NDC1: variants seen among roughly 807,000 people sequenced by gnomAD.
The protein encoded by NDC1 is nucleoporin NDC1.
A neutral mutation model predicts 89.8 loss-of-function variants in NDC1; 24 were observed. That is an observed-to-expected ratio of 0.27 (90% CI 0.19 to 0.38). The LOEUF (loss-of-function observed/expected upper bound fraction) is 0.38, where lower values mean the gene tolerates loss of function less well. NDC1 is among the 10% of genes least tolerant of loss of function. NDC1 has a pLI of 1.00. For synonymous variants in NDC1, 296 were observed against 284.8 expected, an observed-to-expected ratio of 1.04 and a Z score of -0.39; for missense variants, 728 against 797.6, an observed-to-expected ratio of 0.91 and a Z score of 1.05.
At chr1:53,786,348 C>T (rs1408411756) in intron 16 of NDC1, among the ~76,000 whole-genome samples, 1 of 152,216 alleles carries the variant, frequency 6.6e-6, no homozygotes, top group African/African-American at 2.4e-5. Context: ...AAGAAGCCTA[C>T]TGCAAAGCAG....
At chr1:53,771,389 C>T (rs1329229193) in intron 17 of NDC1, among the ~76,000 whole-genome samples, 2 of 152,032 alleles carry the variant, frequency 1.3e-5, no homozygotes, top group Admixed American at 1.3e-4. Flanking sequence ...CCTCAGTTTT[C>T]GTATCTGTAC....
chr1:53,832,372 T>C (rs1328550622), intron 3 of NDC1, 118 bp downstream of exon 3: 2 of 592,232 alleles, frequency 3.4e-6, no homozygotes, highest in Non-Finnish European at 6.1e-6. Flanking sequence ...AAGCATATGA[T>C]TCTGTATACG....
intron 17 of NDC1, chr1:53,770,967 T>A (rs1253750369): frequency 2.0e-5 from 3 of 152,324 alleles, no homozygotes; most frequent in Non-Finnish European, 4.4e-5. Flanking sequence ...TATCGCTTTC[T>A]TATCTAAATC....
intron 14 of NDC1, among the ~76,000 whole-genome samples, chr1:53,792,271 A>G (rs948712556): frequency 3.9e-5 from 6 of 152,046 alleles, no homozygotes; most frequent in African/African-American, 1.4e-4. Flanking sequence ...CAAGCACTGA[A>G]GTAAAACTTC....
intron 3 of NDC1, among the ~76,000 whole-genome samples, chr1:53,830,636 C>T (rs1052704549): frequency 2.0e-5 from 3 of 151,568 alleles, no homozygotes; most frequent in African/African-American, 7.3e-5. Context: ...CGAGGCAGGC[C>T]GATCACCTGA....
At chr1:53,796,272 T>A (rs903795777) in intron 13 of NDC1, among the ~76,000 whole-genome samples, 10 of 152,236 alleles carry the variant, frequency 6.6e-5, no homozygotes, top group Non-Finnish European at 1.2e-4. Context: ...TAGCACGTCA[T>A]GGGTTAAGGC....
intron 6 of NDC1, among the ~76,000 whole-genome samples, chr1:53,813,571 G>A (rs1045881804): frequency 5.9e-5 from 9 of 152,132 alleles, no homozygotes; most frequent in African/African-American, 1.9e-4. Context: ...TCGTCCAACA[G>A]GAAAATATCA....
intron 13 of NDC1, among the ~76,000 whole-genome samples, chr1:53,796,082 T>C (rs1252072151): frequency 6.6e-6 from 1 of 152,222 alleles, no homozygotes; most frequent in East Asian, 1.9e-4. Flanking sequence ...CTCTGATCAA[T>C]CATTGCCTTA....
At chr1:53,824,153 C>T (rs60684032) in intron 5 of NDC1, among the ~76,000 whole-genome samples, 17,651 of 148,938 alleles carry the variant, frequency 0.12, 1,175 homozygotes, top group Non-Finnish European at 0.15. Flanking sequence ...GAGGACTGTT[C>T]GAGCCAGGAG....
chr1:53,793,024 A>T (rs554619261), intron 14 of NDC1, among the ~76,000 whole-genome samples: 1 of 152,352 alleles, frequency 6.6e-6, no homozygotes, highest in South Asian at 2.1e-4. Flanking sequence ...GCAACTAGAG[A>T]GTCAAGCTTC....
intron 16 of NDC1, among the ~76,000 whole-genome samples, chr1:53,776,008 G>A (rs865907117): frequency 2.7e-5 from 4 of 147,894 alleles, no homozygotes; most frequent in South Asian, 2.1e-4. Context: ...TGGCTGGAGT[G>A]CAGTGGCACG....
intron 4 of NDC1, among the ~76,000 whole-genome samples, chr1:53,827,486 A>G (rs1258301652): frequency 6.6e-6 from 1 of 152,200 alleles, no homozygotes; most frequent in Non-Finnish European, 1.5e-5. Context: ...TCAATTTGCA[A>G]TTAGTATCAA....
intron 16 of NDC1, among the ~76,000 whole-genome samples, chr1:53,775,549 G>A (rs1008554928): frequency 6.6e-6 from 1 of 151,994 alleles, no homozygotes; most frequent in Admixed American, 6.6e-5. Flanking sequence ...ATGAGCTACC[G>A]CACCTGGCTG....
chr1:53,780,906 C>T (rs1052259923), intron 16 of NDC1, among the ~76,000 whole-genome samples: 8 of 150,814 alleles, frequency 5.3e-5, no homozygotes, highest in Non-Finnish European at 1.2e-4. Context: ...GTTGCCCAGC[C>T]TGGAGTACAG....
intron 16 of NDC1, among the ~76,000 whole-genome samples, chr1:53,779,477 G>A (rs924654967): frequency 2.0e-5 from 3 of 151,990 alleles, no homozygotes; most frequent in African/African-American, 7.3e-5. Context: ...AGTAGAAGCT[G>A]GAATTCAGAC....
intron 3 of NDC1, among the ~76,000 whole-genome samples, chr1:53,831,948 T>C (rs1649082131): frequency 6.6e-6 from 1 of 152,306 alleles, no homozygotes; most frequent in South Asian, 2.1e-4. Context: ...CACCTGGTCT[T>C]CCCTATAAAG....
At chr1:53,792,960 G>A (rs1298943661) in intron 14 of NDC1, among the ~76,000 whole-genome samples, 1 of 152,238 alleles carries the variant, frequency 6.6e-6, no homozygotes, top group African/African-American at 2.4e-5. Flanking sequence ...ACAGCAGGAA[G>A]GGGTCTGTGT....
At chr1:53,779,924 T>G (rs766076571) in intron 16 of NDC1, among the ~76,000 whole-genome samples, 8 of 152,112 alleles carry the variant, frequency 5.3e-5, no homozygotes, top group Non-Finnish European at 1.0e-4. Flanking sequence ...CCCTCAAGAA[T>G]ATTCCTTTCT....
chr1:53,778,970 T>G (rs538427477), intron 16 of NDC1, among the ~76,000 whole-genome samples: 103 of 151,972 alleles, frequency 6.8e-4, no homozygotes, highest in South Asian at 5.8e-3. Context: ...GGCAAGAACC[T>G]GTCTCTACTA....
Sources: allele counts gnomAD v4.1 joint callset (sites outside exome capture counted in the v4.1 genomes callset), GRCh38; gene constraint gnomAD v4.1.1; transcripts MANE v1.5; gene names NCBI Gene and HGNC (gene_info 2026-07-23, HGNC 2026-07-21).